Variants in RADIL observed in about 807,000 individuals in gnomAD.
RADIL encodes Rap associating with DIL domain, also known as ras-associating and dilute domain-containing protein.
RADIL carries 99 observed loss-of-function variants against 97.6 expected under a neutral mutation model. That is an observed-to-expected ratio of 1.01 (90% CI 0.86 to 1.20). The LOEUF is 1.20. Among genes scored for constraint, RADIL ranks in the 50% most tolerant of loss-of-function variants. The pLI, the probability that RADIL is intolerant of heterozygous loss-of-function variation, is 0.00. For missense variants in RADIL, 1,765 were observed against 1,498.9 expected (o/e 1.18, Z -2.93); for synonymous variants, 803 against 691.8 (o/e 1.16, Z -2.52).
chr7:4,856,821 C>G (rs1227536058), intron 2 of RADIL, among the ~76,000 whole-genome samples: 3 of 152,224 alleles, frequency 2.0e-5, no homozygotes, highest in South Asian at 2.1e-4. Context: ...CCAGATCATT[C>G]ATGGCAAACA....
intron 2 of RADIL, among the ~76,000 whole-genome samples, chr7:4,876,652 C>T (rs911455236): frequency 6.6e-6 from 1 of 152,182 alleles, no homozygotes; most frequent in African/African-American, 2.4e-5. Context: ...TTCTTTCCAC[C>T]AATTGAATAA....
intron 9 of RADIL, chr7:4,809,212 G>A: frequency 3.0e-6 from 3 of 985,288 alleles, no homozygotes; most frequent in Non-Finnish European, 3.6e-6. Context: ...TGCCGACTCG[G>A]GCCTGCCCAT....
In RADIL at chr7:4,819,509, C is replaced by G. The variant is rs981474867; in HGVS notation, c.1616-2158G>C. On this transcript the variant is annotated intron_variant, in intron 6 of 14. Transcript: ENST00000399583. The surrounding 1 kb of genome is among the most constrained non-coding windows in gnomAD (Gnocchi z 5.8). The stretch of plus-strand genomic sequence containing the variant: ...TGCCCTGCCCCGAAACTCCAGGACC[C>G]CTGAGGAAGCTGGCCCTATCCCTAA... 6.6e-6 allele frequency among the ~76,000 whole-genome samples: 1 copy of G among 152,164 alleles called. No individual in the cohort carries two copies. The highest frequency in any genetic ancestry group is 2.4e-5 in the African/African-American group (1 of 41,432).
chr7:4,833,917 G>A (rs561468226), intron 4 of RADIL, among the ~76,000 whole-genome samples: 1 of 152,296 alleles, frequency 6.6e-6, no homozygotes, highest in Admixed American at 6.5e-5. Flanking sequence ...TGGGTGTATT[G>A]CGTGTGTGTG....
chr7:4,850,018 A>G (rs1245249986), intron 2 of RADIL, among the ~76,000 whole-genome samples: 2 of 152,104 alleles, frequency 1.3e-5, no homozygotes, highest in Non-Finnish European at 2.9e-5. Flanking sequence ...ACAATCCCCA[A>G]ATACATAGAG....
chr7:4,839,550 A>G (rs990762880), intron 2 of RADIL, among the ~76,000 whole-genome samples: 1 of 152,204 alleles, frequency 6.6e-6, no homozygotes, highest in African/African-American at 2.4e-5. Flanking sequence ...AGGATTTAGT[A>G]TAGTGCCAGT....
At chr7:4,850,627 A>G (rs1783686041) in intron 2 of RADIL, among the ~76,000 whole-genome samples, 1 of 152,168 alleles carries the variant, frequency 6.6e-6, no homozygotes, top group Admixed American at 6.5e-5. Context: ...AGTCACTGGG[A>G]GCTGAGAGTG....
intron 2 of RADIL, among the ~76,000 whole-genome samples, chr7:4,839,542 G>A (rs1783390659): frequency 6.6e-6 from 1 of 151,892 alleles, no homozygotes; most frequent in Admixed American, 6.6e-5. Context: ...AATTTCATAG[G>A]ATTTAGTATA....
chr7:4,838,144 T>C (rs1325079116), intron 2 of RADIL: 1 of 828,674 alleles, frequency 1.2e-6, no homozygotes, highest in Non-Finnish European at 1.5e-6. Context: ...CCCGTGCTCC[T>C]GCCGCCTGCA....
In RADIL at chr7:4,799,368, C is replaced by T. The variant is rs192554984; in HGVS notation, c.*10G>A. The T allele has an allele frequency of 1.6e-3, 2,536 of 1,612,744 alleles. 69 individuals carry two copies. The Admixed American group carries it at 0.037, about 24-fold the overall frequency. The stretch of plus-strand genomic sequence containing the variant: ...GGTGCCGGGCCTGTGGGGGTGTCCT[C>T]GCAGCCCCCCTAGAGAGGGGGCGTG... On this transcript the variant is annotated 3_prime_UTR_variant, in exon 15 of 15. Transcript: ENST00000399583.
chr7:4,854,257 G>C lies in RADIL; in HGVS notation c.536-17652C>G, dbSNP rs1057366436. On this transcript the variant is annotated intron_variant, in intron 2 of 14. Coordinates refer to ENST00000399583, the MANE Select transcript of RADIL (RefSeq NM_018059.5). This position sits in a 1 kb window ranked among gnomAD's most constrained non-coding sequence, Gnocchi z 5.1. Reference sequence around the variant, plus strand: ...ACCAGCCCCGAACTTACTGTTAGGTGAAAGAAAGCTGTATTGTGCCCAAGC... The same window carrying C: ...ACCAGCCCCGAACTTACTGTTAGGTCAAAGAAAGCTGTATTGTGCCCAAGC... 1.3e-5 allele frequency among the ~76,000 whole-genome samples: 2 copies of C among 152,194 alleles called. No homozygotes were observed. Among genetic ancestry groups the C allele is most frequent in the African/African-American group, 4.8e-5 (2 of 41,448 alleles).
At chr7:4,877,523 C>T (rs1233749052) in intron 2 of RADIL, 82 bp downstream of exon 2, 1 of 1,472,760 alleles carries the variant, frequency 6.8e-7, no homozygotes, top group Admixed American at 2.2e-5. Context: ...ATGTCCCCTG[C>T]ACCACTCCTT....
At chr7:4,826,493 G>A (rs776394777) in intron 5 of RADIL, among the ~76,000 whole-genome samples, 3 of 152,138 alleles carry the variant, frequency 2.0e-5, no homozygotes, top group Non-Finnish European at 4.4e-5. Context: ...AGCACTTTGG[G>A]AGGCTGAGGC....
At chr7:4,836,312 T>C in intron 3 of RADIL, 46 bp downstream of exon 3, 1 of 1,554,420 alleles carries the variant, frequency 6.4e-7, no homozygotes, top group Non-Finnish European at 8.7e-7. Context: ...CCGCCTGCTG[T>C]CCCTGCAGTG....
rs1032271966 is a variant in RADIL at position 4,822,123 on chromosome 7, G to T, written c.1615+271C>A. 1.3e-5 allele frequency among the ~76,000 whole-genome samples: 2 copies of T among 152,064 alleles called. No individual in the cohort carries two copies. Among genetic ancestry groups the T allele is most frequent in the African/African-American group, 4.8e-5 (2 of 41,426 alleles). Reference sequence around the variant, plus strand: ...AGAAGAGTGGGGCTGCGGTCAAGGGGACGCCACCGCACGGAGCACACGGGA... The same window carrying T: ...AGAAGAGTGGGGCTGCGGTCAAGGGTACGCCACCGCACGGAGCACACGGGA... On this transcript the variant is annotated intron_variant, in intron 6 of 14. Coordinates refer to ENST00000399583, the MANE Select transcript of RADIL (RefSeq NM_018059.5). The surrounding 1 kb of genome is among the most constrained non-coding windows in gnomAD (Gnocchi z 5.3).
At position 4,834,482 on chromosome 7, in the gene RADIL, G is replaced by C. The variant is rs373429829; in HGVS notation, c.1416+125C>G. On this transcript the variant is annotated intron_variant, in intron 4 of 14. Coordinates refer to ENST00000399583, the MANE Select transcript of RADIL (RefSeq NM_018059.5). The surrounding 1 kb of genome is among the most constrained non-coding windows in gnomAD (Gnocchi z 6.0). ...GACAGGCAGGGAAAGGCCGCCCTGC[G>C]CTCAGCAGCACAGCACCGTGGGGGT... 7 of 1,126,822 alleles carry C rather than the reference G, an allele frequency of 6.2e-6. No homozygotes were observed. In the South Asian group the frequency reaches 3.2e-4, roughly 51 times the overall value. The allele number at this position is 1,126,822 out of a possible 1,614,324, so 69.8% of individuals were successfully genotyped here. A position where few individuals can be genotyped will look rare whatever the true frequency, so the allele number is the denominator to read the frequency against.
Position 4,799,010 on chromosome 7 carries a change from G to A in RADIL, c.*368C>T, listed in dbSNP as rs552151535. ...ATGACAGCTGTCACTGCATTCTCCCGTGCCGGTGGCAGGCAGAGGCCATGG... is the reference window on the plus strand; with the variant it reads ...ATGACAGCTGTCACTGCATTCTCCCATGCCGGTGGCAGGCAGAGGCCATGG... On this transcript the variant is annotated 3_prime_UTR_variant, in exon 15 of 15. Coordinates refer to ENST00000399583, the MANE Select transcript of RADIL (RefSeq NM_018059.5). 4.9e-4 allele frequency: 123 copies of A among 252,768 alleles called. No individual in the cohort carries two copies. Among genetic ancestry groups the A allele is most frequent in the Non-Finnish European group, 7.2e-4 (91 of 127,100 alleles). The allele number at this position is 252,768 out of a possible 1,614,324, so 15.7% of individuals were successfully genotyped here. A position where few individuals can be genotyped will look rare whatever the true frequency, so the allele number is the denominator to read the frequency against.
Position 4,815,276 on chromosome 7 carries a change from A to C in RADIL, c.2139+2T>G. ...CTCGCCGCCTCCCATGCGCACCCCT[A>C]CCTGGATGAGCTGGGCCCTGGGTGT... On this transcript the variant is annotated splice_donor_variant, in intron 9 of 14. Transcript: ENST00000399583. LOFTEE classifies it high-confidence loss of function. The surrounding 1 kb of genome is among the most constrained non-coding windows in gnomAD (Gnocchi z 8.0). 1 of 1,552,534 alleles carries C rather than the reference A, an allele frequency of 6.4e-7. No homozygotes were observed. The highest frequency in any genetic ancestry group is 8.7e-7 in the Non-Finnish European group (1 of 1,148,534).
intron 5 of RADIL, among the ~76,000 whole-genome samples, chr7:4,825,252 C>T (rs539022491): frequency 7.4e-4 from 113 of 152,248 alleles, no homozygotes; most frequent in Admixed American, 5.2e-3. Context: ...GAGGAACGGG[C>T]GCAGCTGGCT....
Sources: gnomAD v4.1 joint callset for allele counts (sites outside exome capture counted in the v4.1 genomes callset) on GRCh38, gnomAD v4.1.1 for gene constraint, Gnocchi (gnomAD v3.1) non-coding constraint, MANE v1.5 for transcripts, NCBI Gene and HGNC (gene_info 2026-07-23, HGNC 2026-07-21) for gene names.